Variants in AHR observed in about 807,000 individuals in gnomAD.
The protein encoded by AHR is AH-receptor.
A neutral mutation model predicts 86.8 loss-of-function variants in AHR; 40 were observed. The observed-to-expected ratio is 0.46, with a 90% CI of 0.36 to 0.60. The LOEUF (loss-of-function observed/expected upper bound fraction) is 0.60, where lower values mean the gene tolerates loss of function less well. AHR is among the 20% of genes least tolerant of loss of function. The pLI, the probability that AHR is intolerant of heterozygous loss-of-function variation, is 0.00. For synonymous variants in AHR, 398 were observed against 354.9 expected (o/e 1.12, Z -1.37); for missense variants, 1,001 against 1,011.6 (o/e 0.99, Z 0.14).
intron 3 of AHR, among the ~76,000 whole-genome samples, chr7:17,326,400 A>G (rs1293964450): frequency 6.6e-6 from 1 of 152,196 alleles, no homozygotes; most frequent in Non-Finnish European, 1.5e-5. Context: ...CAGCATAAGC[A>G]CTAGGGCAAA....
Position 17,309,967 on chromosome 7 carries a change from T to G in AHR, c.97T>G (p.Ser33Ala). Residue 33 changes from serine (S) to alanine (A), a missense_variant, in exon 2 of 11, where the codon TCA (serine) becomes GCA (alanine). Physicochemically the swap from Ser to Ala is moderately conservative, Grantham distance 99. This residue lies in a region of AHR where 394 missense variants were observed against 468.5 expected (regional missense o/e 0.84). Transcript: ENST00000242057. ...GCCAATCCCAGCTGAAGGAATCAAG[T>G]CAAATCCTTCCAAGCGGCATAGAGA... The part of the protein sequence containing the change: ...VKPIPAEGIK[S>A]NPSKRHRDRL... 1 of 1,603,690 alleles carries G rather than the reference T, an allele frequency of 6.2e-7. No individual in the cohort carries two copies. Among genetic ancestry groups the G allele is most frequent in the Non-Finnish European group, 8.5e-7 (1 of 1,172,584 alleles).
intron 1 of AHR, among the ~76,000 whole-genome samples, chr7:17,307,539 G>T (rs529919658): frequency 2.5e-4 from 38 of 152,188 alleles, no homozygotes; most frequent in Non-Finnish European, 4.0e-4. Context: ...TCTTAGCTCT[G>T]GGGTAGAATA....
intron 1 of AHR, among the ~76,000 whole-genome samples, chr7:17,299,556 C>T (rs1781933242): frequency 6.6e-6 from 1 of 152,224 alleles, no homozygotes; most frequent in Admixed American, 6.5e-5. Flanking sequence ...ATCCTCTTCC[C>T]CCGCACCAGT....
chr7:17,317,320 A>G (rs975004704), intron 2 of AHR, among the ~76,000 whole-genome samples: 1 of 152,090 alleles, frequency 6.6e-6, no homozygotes, highest in African/African-American at 2.4e-5. Flanking sequence ...CACATATTCC[A>G]AATCTGGACA....
intron 9 of AHR, among the ~76,000 whole-genome samples, 185 bp from the exon 10 acceptor site, chr7:17,338,801 A>G (rs1465224826): frequency 6.6e-6 from 1 of 152,196 alleles, no homozygotes; most frequent in Non-Finnish European, 1.5e-5. Context: ...AATCATTTAA[A>G]TATGCTTGTC....
At chr7:17,303,606 A>G (rs1167765969) in intron 1 of AHR, among the ~76,000 whole-genome samples, 2 of 152,000 alleles carry the variant, frequency 1.3e-5, no homozygotes, top group Non-Finnish European at 1.5e-5. Context: ...AAGGCTGCAT[A>G]ATACTCTGTT....
chr7:17,321,104 G>A (rs1043178993), intron 2 of AHR, among the ~76,000 whole-genome samples: 4 of 152,074 alleles, frequency 2.6e-5, no homozygotes. Flanking sequence ...AATATAGTGA[G>A]ATAAATGTTA....
Position 17,330,773 on chromosome 7 carries a change from C to A in AHR, c.592C>A (p.Gln198Lys). 6.2e-7 allele frequency: 1 copy of A among 1,609,804 alleles called. No homozygotes were observed. Among genetic ancestry groups the A allele is most frequent in the Non-Finnish European group, 8.5e-7 (1 of 1,177,416 alleles). ...QGIEEATGLPQTVVCYNPDQI... is the reference protein window; with the variant it reads ...QGIEEATGLPKTVVCYNPDQI... ...TTCTACAGAAGCCACTGGTCTCCCC[C>A]AGACAGTAGTCTGTTATAACCCAGA... Residue 198 changes from glutamine (Q) to lysine (K), a missense_variant, in exon 6 of 11, where the codon CAG (glutamine) becomes AAG (lysine). Around this residue, in one of 2 missense-constraint regions of AHR, gnomAD observed 394 missense variants for 468.5 expected, o/e 0.84. Transcript: ENST00000242057.
At chr7:17,310,828 G>A (rs1038788118) in intron 2 of AHR, among the ~76,000 whole-genome samples, 5 of 152,094 alleles carry the variant, frequency 3.3e-5, no homozygotes, top group African/African-American at 9.7e-5. Flanking sequence ...GAGCCACTGC[G>A]CCTGGCCTAT....
chr7:17,343,275 A>T lies in AHR; in HGVS notation c.*211A>T. On this transcript the variant is annotated 3_prime_UTR_variant, in exon 11 of 11. Transcript: ENST00000242057. ...AAATTACATATACTACAGTCAAGAT[A>T]GAAAGGGTGCTGCCACGGAGTGGTG... is the stretch of plus-strand genomic sequence containing the variant. 1 of 585,392 alleles carries T rather than the reference A, an allele frequency of 1.7e-6. No individual in the cohort carries two copies. The highest frequency in any genetic ancestry group is 3.5e-5 in the Admixed American group (1 of 28,850). 36.3% of individuals were successfully genotyped at this position (585,392 alleles called of 1,614,324 possible).
At chr7:17,336,021 TG>T in intron 9 of AHR, 1 of 372,658 alleles carries the variant, frequency 2.7e-6, no homozygotes, top group Non-Finnish European at 4.7e-6. Context: ...GGTTTTATCT[TG>T]GGCATATGAA....
chr7:17,335,474 C>G (rs1782345199), intron 8 of AHR, among the ~76,000 whole-genome samples, 171 bp from the exon 9 acceptor site: 1 of 151,872 alleles, frequency 6.6e-6, no homozygotes, highest in Non-Finnish European at 1.5e-5. Flanking sequence ...AAATTTAAAA[C>G]AACTCTGAAA....
Position 17,339,005 on chromosome 7 carries a change from C to T in AHR, c.1180C>T (p.His394Tyr), listed in dbSNP as rs1274025719. The T allele has an allele frequency of 6.2e-7, 1 of 1,613,546 alleles. No individual in the cohort carries two copies. The highest frequency in any genetic ancestry group is 8.5e-7 in the Non-Finnish European group (1 of 1,179,634). The change falls in exon 10 of 11, where the codon CAT becomes TAT. Residue 394 changes from histidine (H) to tyrosine (Y), a missense_variant. His to Tyr is a moderately conservative substitution (Grantham distance 83). This residue lies in a region of AHR where 607 missense variants were observed against 543.1 expected (regional missense o/e 1.12). Transcript: ENST00000242057. Reference sequence around the variant, plus strand: ...TTTTAGAGATGAGGAAGGAACAGAGCATTTACGAAAACGAAATACGAAGTT... The same window carrying T: ...TTTTAGAGATGAGGAAGGAACAGAGTATTTACGAAAACGAAATACGAAGTT... ...RPLTDEEGTE[H>Y]LRKRNTKLPF...
At chr7:17,331,882 CTTAAA>C (rs2115365116) in intron 6 of AHR, among the ~76,000 whole-genome samples, 1 of 152,042 alleles carries the variant, frequency 6.6e-6, no homozygotes, top group African/African-American at 2.4e-5. Flanking sequence ...ATAATCAAAT[CTTAAA>C]TTAACATTAC....
In AHR at chr7:17,322,034, T is replaced by G. The variant is rs1782179412; in HGVS notation, c.254-467T>G. ...GAAATCCATCTCTCAATAAGGTGTA[T>G]AGTTGCTTTTTTTCTCCTCACCACC... On this transcript the variant is annotated intron_variant, in intron 2 of 10. Transcript: ENST00000242057. 2.6e-5 allele frequency among the ~76,000 whole-genome samples: 4 copies of G among 151,948 alleles called. No individual in the cohort carries two copies. In the South Asian group the frequency reaches 8.3e-4, roughly 31 times the overall value.
rs968732266 is a variant in AHR at position 17,298,953 on chromosome 7, C to G, written c.-312C>G. On this transcript the variant is annotated 5_prime_UTR_variant, in exon 1 of 11. Coordinates refer to ENST00000242057, the MANE Select transcript of AHR (RefSeq NM_001621.5). Reference sequence around the variant, plus strand: ...TCCTCCGCCCGGGCCGCCTCACCTGCGGGCATTGCCGCGCCGCCTCCGCCG... The same window carrying G: ...TCCTCCGCCCGGGCCGCCTCACCTGGGGGCATTGCCGCGCCGCCTCCGCCG... The G allele has an allele frequency of 6.8e-6, 3 of 440,666 alleles. No homozygotes were observed. Among genetic ancestry groups the G allele is most frequent in the Non-Finnish European group, 1.2e-5 (3 of 253,340 alleles). The allele number at this position is 440,666 out of a possible 1,614,324, so 27.3% of individuals were successfully genotyped here.
At chr7:17,300,314 C>T (rs1781941878) in intron 1 of AHR, among the ~76,000 whole-genome samples, 1 of 152,054 alleles carries the variant, frequency 6.6e-6, no homozygotes, top group Non-Finnish European at 1.5e-5. Context: ...GTTACTTTAC[C>T]TACATGTGTT....
At chr7:17,338,811 C>T (rs1161302862) in intron 9 of AHR, among the ~76,000 whole-genome samples, 175 bp from the exon 10 acceptor site, 3 of 152,048 alleles carry the variant, frequency 2.0e-5, no homozygotes, top group African/African-American at 7.2e-5. Context: ...ATATGCTTGT[C>T]TGAAAAACAA....
intron 2 of AHR, among the ~76,000 whole-genome samples, chr7:17,313,222 A>G (rs1328195200): frequency 6.6e-6 from 1 of 152,172 alleles, no homozygotes; most frequent in African/African-American, 2.4e-5. Flanking sequence ...TGAAATTATA[A>G]GGGTGACCCT....
Sources: gnomAD v4.1 joint callset for allele counts (sites outside exome capture counted in the v4.1 genomes callset) on GRCh38, gnomAD v4.1.1 for gene constraint, gnomAD v4.1.1 regional missense constraint, MANE v1.5 for transcripts, NCBI Gene and HGNC (gene_info 2026-07-23, HGNC 2026-07-21) for gene names.